Variants in CADPS2 observed in about 807,000 individuals in gnomAD.
CADPS2 encodes calcium-dependent secretion activator 2.
CADPS2 carries 93 observed loss-of-function variants against 172.5 expected under a neutral mutation model. That is an observed-to-expected ratio of 0.54 (90% CI 0.46 to 0.64). CADPS2 has a LOEUF of 0.64. CADPS2 is among the 30% of genes least tolerant of loss of function. CADPS2 has a pLI of 0.00. For synonymous variants in CADPS2, 546 were observed against 555.2 expected (o/e 0.98, Z 0.23); for missense variants, 1,420 against 1,565.9 (o/e 0.91, Z 1.57).
At chr7:122,388,509 T>C in intron 23 of CADPS2, 74 bp downstream of exon 23, 1 of 1,368,304 alleles carries the variant, frequency 7.3e-7, no homozygotes, top group East Asian at 2.4e-5. Flanking sequence ...GACAATAATA[T>C]ATTAGGTACT....
intron 2 of CADPS2, among the ~76,000 whole-genome samples, chr7:122,709,912 T>G (rs997846623): frequency 2.0e-5 from 3 of 151,156 alleles, no homozygotes; most frequent in Admixed American, 2.0e-4. Context: ...TGTTGTGGGG[T>G]TGGGGGAGAG....
intron 1 of CADPS2, among the ~76,000 whole-genome samples, chr7:122,763,039 G>C (rs953964805): frequency 6.6e-6 from 1 of 151,778 alleles, no homozygotes; most frequent in African/African-American, 2.4e-5. Flanking sequence ...CACACACACA[G>C]ATATGTTTCT....
At chr7:122,343,680 C>T (rs1475839100) in intron 28 of CADPS2, among the ~76,000 whole-genome samples, 1 of 152,176 alleles carries the variant, frequency 6.6e-6, no homozygotes, top group African/African-American at 2.4e-5. Flanking sequence ...TATAGAATGG[C>T]TTTAACTTTT....
At chr7:122,557,211 C>G (rs1466628707) in intron 7 of CADPS2, among the ~76,000 whole-genome samples, 1 of 151,862 alleles carries the variant, frequency 6.6e-6, no homozygotes, top group Non-Finnish European at 1.5e-5. Context: ...ATTGCACAAG[C>G]AAAAAAGTGG....
At chr7:122,399,121 AAAGTGACAAG>A (rs1443717470) in intron 20 of CADPS2, among the ~76,000 whole-genome samples, 1 of 152,132 alleles carries the variant, frequency 6.6e-6, no homozygotes, top group Non-Finnish European at 1.5e-5. Context: ...CTAGGGAGAG[AAAGTGACAAG>A]AAGTGATAGA....
chr7:122,797,550 C>T (rs530938356), intron 1 of CADPS2, among the ~76,000 whole-genome samples: 1 of 152,266 alleles, frequency 6.6e-6, no homozygotes, highest in East Asian at 1.9e-4. Flanking sequence ...TTTGCAGAGA[C>T]ATAGATGGAG....
intron 8 of CADPS2, among the ~76,000 whole-genome samples, chr7:122,530,766 T>G (rs2061686715): frequency 6.6e-6 from 1 of 152,186 alleles, no homozygotes; most frequent in Non-Finnish European, 1.5e-5. Flanking sequence ...CTATTTAATT[T>G]TGAAGCAATG....
intron 1 of CADPS2, among the ~76,000 whole-genome samples, chr7:122,751,625 T>C (rs181022840): frequency 6.6e-6 from 1 of 152,202 alleles, no homozygotes; most frequent in African/African-American, 2.4e-5. Context: ...GGTCTCACAA[T>C]ACACACGGCA....
At chr7:122,544,736 TTC>T (rs1287643618) in intron 8 of CADPS2, among the ~76,000 whole-genome samples, 1 of 152,146 alleles carries the variant, frequency 6.6e-6, no homozygotes, top group African/African-American at 2.4e-5. Context: ...TCAAATCTGC[TTC>T]TGTCTCAGGG....
At chr7:122,546,493 C>G (rs545334402) in intron 8 of CADPS2, among the ~76,000 whole-genome samples, 1 of 152,164 alleles carries the variant, frequency 6.6e-6, no homozygotes, top group African/African-American at 2.4e-5. Context: ...TAGGCCATGT[C>G]CTATCCTTTG....
At chr7:122,625,798 T>C (rs1209111457) in intron 4 of CADPS2, among the ~76,000 whole-genome samples, 3 of 149,382 alleles carry the variant, frequency 2.0e-5, no homozygotes, top group African/African-American at 7.7e-5. Flanking sequence ...CACACACACA[T>C]ATATATACAC....
At chr7:122,350,792 C>T (rs1293421017) in intron 27 of CADPS2, among the ~76,000 whole-genome samples, 1 of 151,674 alleles carries the variant, frequency 6.6e-6, no homozygotes, top group Non-Finnish European at 1.5e-5. Context: ...TTGAGACCAT[C>T]CTGGGCAACA....
At chr7:122,499,131 G>T (rs139917331) in intron 9 of CADPS2, among the ~76,000 whole-genome samples, 654 of 152,294 alleles carry the variant, frequency 4.3e-3, no homozygotes, top group South Asian at 9.3e-3. Flanking sequence ...AATTCTGAGG[G>T]TTAATTTTCC....
intron 1 of CADPS2, among the ~76,000 whole-genome samples, chr7:122,799,426 C>T (rs954952985): frequency 2.6e-5 from 4 of 151,538 alleles, no homozygotes; most frequent in East Asian, 2.0e-4. Flanking sequence ...AGTGAAACCC[C>T]GTCTCTACTA....
chr7:122,491,425 T>A lies in CADPS2; in HGVS notation c.1543-5A>T. 1 of 1,547,132 alleles carries A rather than the reference T, an allele frequency of 6.5e-7. No homozygotes were observed. The highest frequency in any genetic ancestry group is 2.0e-5 in the Admixed American group (1 of 49,372). On this transcript the variant is annotated splice_region_variant and splice_polypyrimidine_tract_variant and intron_variant, in intron 9 of 29. Coordinates refer to ENST00000449022, the MANE Select transcript of CADPS2 (RefSeq NM_017954.11). ...AGCAAAGGTATATTGGCTAACCTGC[T>A]CGAGAAAAAAAAAGTTTACAGATTA... is the stretch of plus-strand genomic sequence containing the variant.
chr7:122,762,211 G>A (rs2093412480), intron 1 of CADPS2, among the ~76,000 whole-genome samples: 1 of 151,708 alleles, frequency 6.6e-6, no homozygotes, highest in African/African-American at 2.4e-5. Flanking sequence ...GAAAAAAGAA[G>A]AAGACAGAGA....
intron 6 of CADPS2, among the ~76,000 whole-genome samples, chr7:122,613,176 A>G (rs1235100523): frequency 6.6e-6 from 1 of 152,134 alleles, no homozygotes; most frequent in African/African-American, 2.4e-5. Context: ...ACAAAGAAAA[A>G]AATAAATTAA....
rs115748678 is a variant in CADPS2, at chr7:122,674,790, C to T, written c.454-11221G>A. On this transcript the variant is annotated intron_variant, in intron 2 of 29. Transcript: ENST00000449022. ...AGGAAGGCTGCCAGCATGTGTTCAG[C>T]AAAACGCTGAGAAAAGTACAAGAGT... Among the ~76,000 whole-genome samples the T allele has an allele frequency of 8.1e-3, 1,227 of 152,308 alleles. 16 individuals are homozygous for T. Among genetic ancestry groups the T allele is most frequent in the African/African-American group, 0.028 (1,162 of 41,556 alleles).
intron 1 of CADPS2, among the ~76,000 whole-genome samples, chr7:122,854,772 A>G (rs955667874): frequency 1.3e-5 from 2 of 152,250 alleles, no homozygotes; most frequent in African/African-American, 4.8e-5. Flanking sequence ...TGTTTGGTAT[A>G]AAGGAAATGC....
Sources: gnomAD v4.1 joint callset for allele counts (sites outside exome capture counted in the v4.1 genomes callset) on GRCh38, gnomAD v4.1.1 for gene constraint, MANE v1.5 for transcripts, NCBI Gene and HGNC (gene_info 2026-07-23, HGNC 2026-07-21) for gene names.